The following ITGBL1 variants were observed in gnomAD, a reference collection of about 807,000 sequenced individuals.
ITGBL1 encodes the protein integrin subunit beta like 1, also known as integrin beta-like protein 1.
Under a neutral mutation model 68.5 loss-of-function variants are expected in ITGBL1, and 51 were observed. That is an observed-to-expected ratio of 0.74 (90% CI 0.59 to 0.94). The LOEUF is 0.94. ITGBL1 is among the 40% of genes least tolerant of loss of function. The pLI is 0.00. For missense variants in ITGBL1, 649 were observed against 647.4 expected (o/e 1.00, Z -0.03); for synonymous variants, 209 against 227.3 (o/e 0.92, Z 0.72).
At chr13:101,561,337 C>A (rs2050097017) in intron 2 of ITGBL1, among the ~76,000 whole-genome samples, 1 of 152,076 alleles carries the variant, frequency 6.6e-6, no homozygotes, top group Admixed American at 6.5e-5. Context: ...CCAGGATGGT[C>A]ATGAAACTAT....
At chr13:101,456,366 C>T (rs1827199939) in intron 2 of ITGBL1, among the ~76,000 whole-genome samples, 1 of 152,166 alleles carries the variant, frequency 6.6e-6, no homozygotes, top group Non-Finnish European at 1.5e-5. Context: ...CCTAGGGCTG[C>T]CTTGCGAGCC....
At chr13:101,714,309 A>T in intron 9 of ITGBL1, 129 bp from the exon 10 acceptor site, 2 of 678,554 alleles carry the variant, frequency 2.9e-6, no homozygotes, top group East Asian at 5.0e-5. Context: ...GAAACCAGCC[A>T]TTCAATACAC....
At chr13:101,717,879 T>G (rs182254174), downstream of ITGBL1, 32 of 152,250 alleles carry the variant, frequency 2.1e-4, no homozygotes, top group East Asian at 6.2e-3. Flanking sequence ...ATCCTCTGTA[T>G]GTTATTATCC....
intron 3 of ITGBL1, among the ~76,000 whole-genome samples, chr13:101,571,018 C>T (rs1209301253): frequency 6.6e-6 from 1 of 152,072 alleles, no homozygotes; most frequent in Non-Finnish European, 1.5e-5. Flanking sequence ...CATACTTGCA[C>T]ACAGATATGC....
chr13:101,672,930 G>A (rs2033412997), intron 7 of ITGBL1, among the ~76,000 whole-genome samples: 1 of 152,126 alleles, frequency 6.6e-6, no homozygotes, highest in Admixed American at 6.5e-5. Context: ...AAATTAGTGA[G>A]AACAAAACCA....
chr13:101,622,915 A>G (rs7490927), intron 7 of ITGBL1, among the ~76,000 whole-genome samples: 27,016 of 148,446 alleles, frequency 0.18, 2,948 homozygotes, highest in South Asian at 0.26. Flanking sequence ...TGGGGTATGT[A>G]TGTGTGTGTG....
chr13:101,541,300 T>G (rs2049695683), intron 2 of ITGBL1, among the ~76,000 whole-genome samples: 1 of 152,138 alleles, frequency 6.6e-6, no homozygotes, highest in African/African-American at 2.4e-5. Context: ...TTTCTGCATC[T>G]ATTGAGATAA....
chr13:101,654,532 T>G (rs954383137), intron 7 of ITGBL1, among the ~76,000 whole-genome samples: 1 of 152,148 alleles, frequency 6.6e-6, no homozygotes, highest in African/African-American at 2.4e-5. Flanking sequence ...GGAATCAAGG[T>G]CATTTTTGGT....
chr13:101,562,486 G>A (rs752189566), intron 2 of ITGBL1, among the ~76,000 whole-genome samples: 10 of 151,872 alleles, frequency 6.6e-5, no homozygotes, highest in Non-Finnish European at 1.3e-4. Context: ...AATGGGAAAG[G>A]TATTCTATGC....
At chr13:101,665,644 T>C (rs2033196139) in intron 7 of ITGBL1, among the ~76,000 whole-genome samples, 1 of 152,170 alleles carries the variant, frequency 6.6e-6, no homozygotes, top group Non-Finnish European at 1.5e-5. Flanking sequence ...TTCTGTGTAA[T>C]GTTGGTTAGG....
intron 6 of ITGBL1, among the ~76,000 whole-genome samples, chr13:101,587,696 G>A (rs1202405895): frequency 6.6e-6 from 1 of 152,124 alleles, no homozygotes; most frequent in Non-Finnish European, 1.5e-5. Context: ...CATTAGTTTG[G>A]AAAATGGAAT....
chr13:101,686,809 C>T (rs2033765180), intron 7 of ITGBL1, among the ~76,000 whole-genome samples: 1 of 151,968 alleles, frequency 6.6e-6, no homozygotes, highest in Non-Finnish European at 1.5e-5. Context: ...AGTTTTATTT[C>T]CAGAATTAGT....
At chr13:101,586,748 A>G (rs1199031719) in intron 6 of ITGBL1, among the ~76,000 whole-genome samples, 1 of 152,176 alleles carries the variant, frequency 6.6e-6, no homozygotes, top group African/African-American at 2.4e-5. Context: ...TTAAAATAAA[A>G]CTAAGCTTCT....
At chr13:101,518,625 T>C (rs576035647) in intron 2 of ITGBL1, among the ~76,000 whole-genome samples, 2 of 152,338 alleles carry the variant, frequency 1.3e-5, no homozygotes, top group African/African-American at 2.4e-5. Context: ...TTACTGAGGA[T>C]ATCATTTCAG....
Position 101,465,592 on chromosome 13 carries a change from T to C in ITGBL1, c.316+11492T>C, listed in dbSNP as rs2048372463. Among the ~76,000 whole-genome samples the C allele has an allele frequency of 2.0e-5, 3 of 152,298 alleles. No homozygotes were observed. In the East Asian group the frequency reaches 5.8e-4, roughly 29 times the overall value. The stretch of plus-strand genomic sequence containing the variant: ...AGATTTGTCCGGTTTTAAGACCCTC[T>C]GCCTTAAGAAGCAGCTTGCATCAGT... On this transcript the variant is annotated intron_variant, in intron 2 of 10. Transcript: ENST00000376180.
chr13:101,604,426 A>G (rs1236119314), intron 7 of ITGBL1, among the ~76,000 whole-genome samples: 1 of 151,878 alleles, frequency 6.6e-6, no homozygotes, highest in Non-Finnish European at 1.5e-5. Context: ...ATTGTTTATA[A>G]TTCATTTCAG....
At chr13:101,505,553 T>C (rs1437253628) in intron 2 of ITGBL1, among the ~76,000 whole-genome samples, 1 of 152,290 alleles carries the variant, frequency 6.6e-6, no homozygotes, top group East Asian at 1.9e-4. Context: ...TGTATTGAAA[T>C]GGATAAAACA....
intron 2 of ITGBL1, among the ~76,000 whole-genome samples, chr13:101,491,515 C>G (rs1178434977): frequency 6.6e-6 from 1 of 152,208 alleles, no homozygotes; most frequent in African/African-American, 2.4e-5. Context: ...AACTTTTCCT[C>G]CATCACACAT....
At chr13:101,648,292 A>G (rs2032631146) in intron 7 of ITGBL1, among the ~76,000 whole-genome samples, 1 of 152,236 alleles carries the variant, frequency 6.6e-6, no homozygotes, top group Admixed American at 6.5e-5. Flanking sequence ...ATTATCAAAT[A>G]TGTGTGATAT....
Sources: gnomAD v4.1 joint callset for allele counts (sites outside exome capture counted in the v4.1 genomes callset) on GRCh38, gnomAD v4.1.1 for gene constraint, MANE v1.5 for transcripts, NCBI Gene and HGNC (gene_info 2026-07-23, HGNC 2026-07-21) for gene names.